Variants in PDZRN3 observed in about 807,000 individuals in gnomAD.
The protein encoded by PDZRN3 is PDZ domain containing ring finger 3, also known as E3 ubiquitin-protein ligase PDZRN3.
PDZRN3 carries 38 observed loss-of-function variants against 85.7 expected under a neutral mutation model. The ratio of observed to expected loss-of-function variants is 0.44; its 90% confidence interval spans 0.34 to 0.58. The LOEUF (loss-of-function observed/expected upper bound fraction) is 0.58, where lower values mean the gene tolerates loss of function less well. PDZRN3 is among the 20% of genes least tolerant of loss of function. PDZRN3 has a pLI of 0.01. For missense variants in PDZRN3, 1,629 were observed against 1,506.4 expected, an observed-to-expected ratio of 1.08 and a Z score of -1.35; for synonymous variants, 759 against 638.0, an observed-to-expected ratio of 1.19 and a Z score of -2.86.
At chr3:73,448,058 G>A (rs1702786047) in intron 3 of PDZRN3, among the ~76,000 whole-genome samples, 1 of 152,136 alleles carries the variant, frequency 6.6e-6, no homozygotes, top group Admixed American at 6.5e-5. Context: ...CTGCCAGTGG[G>A]AGTTCAACCT....
chr3:73,419,916 A>G (rs72884240), intron 3 of PDZRN3, among the ~76,000 whole-genome samples: 3,681 of 152,284 alleles, frequency 0.024, 135 homozygotes, highest in African/African-American at 0.084. Flanking sequence ...TGTGGTTAAC[A>G]TTTTTAATGA....
At chr3:73,399,510 A>G (rs1268810000) in intron 5 of PDZRN3, among the ~76,000 whole-genome samples, 2 of 152,196 alleles carry the variant, frequency 1.3e-5, no homozygotes, top group Non-Finnish European at 2.9e-5. Flanking sequence ...AATGTATTTC[A>G]TTATGAACCC....
intron 3 of PDZRN3, among the ~76,000 whole-genome samples, chr3:73,438,542 G>A (rs1435696511): frequency 6.6e-6 from 1 of 152,212 alleles, no homozygotes; most frequent in Admixed American, 6.5e-5. Flanking sequence ...CAGGACTGAG[G>A]AGGAAACAGG....
chr3:73,441,688 C>T (rs879671679), intron 3 of PDZRN3, among the ~76,000 whole-genome samples: 22 of 152,250 alleles, frequency 1.4e-4, no homozygotes, highest in Admixed American at 4.6e-4. Flanking sequence ...GAATTTGTAA[C>T]CCCAAAGCAA....
chr3:73,500,978 A>T (rs1703967026), intron 3 of PDZRN3, among the ~76,000 whole-genome samples: 2 of 151,656 alleles, frequency 1.3e-5, no homozygotes, highest in South Asian at 4.2e-4. Flanking sequence ...CCCATGACAG[A>T]CTCTAAAATT....
chr3:73,523,935 A>G (rs1429776495), intron 3 of PDZRN3, among the ~76,000 whole-genome samples: 1 of 152,248 alleles, frequency 6.6e-6, no homozygotes, highest in East Asian at 1.9e-4. Flanking sequence ...AAGGATCCAA[A>G]GCATTCTGTA....
intron 3 of PDZRN3, among the ~76,000 whole-genome samples, chr3:73,568,816 G>A (rs1701996146): frequency 6.6e-6 from 1 of 152,198 alleles, no homozygotes; most frequent in South Asian, 2.1e-4. Context: ...GTCAAATCCT[G>A]GGATTAAAAC....
At chr3:73,389,057 G>A (rs1207328273) in intron 7 of PDZRN3, among the ~76,000 whole-genome samples, 1 of 151,666 alleles carries the variant, frequency 6.6e-6, no homozygotes, top group African/African-American at 2.4e-5. Flanking sequence ...CTGAAGGCTA[G>A]AGAAACCCAG....
chr3:73,546,514 C>A (rs147668379), intron 3 of PDZRN3, among the ~76,000 whole-genome samples: 1 of 152,290 alleles, frequency 6.6e-6, no homozygotes, highest in African/African-American at 2.4e-5. Context: ...TTGTGCCATG[C>A]CCATTCATCA....
rs1553706426 is a variant in PDZRN3 at position 73,600,337 on chromosome 3, A to ACTCTCTCTCTCT, written c.918+2005_918+2016dup. Among the ~76,000 whole-genome samples the ACTCTCTCTCTCT allele has an allele frequency of 6.8e-3, 678 of 100,054 alleles. 8 individuals are homozygous for ACTCTCTCTCTCT. Among genetic ancestry groups the ACTCTCTCTCTCT allele is most frequent in the East Asian group, 0.033 (109 of 3,276 alleles). 65.6% of individuals were successfully genotyped at this position (100,054 alleles called of 152,430 possible). ...CACACACACACACACACACACACAC[A>ACTCTCTCTCTCT]CTCTCTCTCTCTCTCTCTCTCTCTC... is the stretch of plus-strand genomic sequence containing the variant. On this transcript the variant is annotated intron_variant, in intron 3 of 9. Transcript: ENST00000263666.
chr3:73,587,275 T>C (rs1702291721), intron 3 of PDZRN3, among the ~76,000 whole-genome samples: 1 of 152,212 alleles, frequency 6.6e-6, no homozygotes, highest in Non-Finnish European at 1.5e-5. Flanking sequence ...ATGAAACTTT[T>C]TTTCCATTTT....
chr3:73,609,867 G>T (rs187567824), intron 1 of PDZRN3, among the ~76,000 whole-genome samples: 28 of 152,298 alleles, frequency 1.8e-4, no homozygotes, highest in Admixed American at 1.0e-3. Context: ...TACCTGCAGT[G>T]CCCTGTGAGT....
intron 3 of PDZRN3, among the ~76,000 whole-genome samples, chr3:73,445,763 G>C (rs1259127657): frequency 6.6e-6 from 1 of 152,184 alleles, no homozygotes; most frequent in Non-Finnish European, 1.5e-5. Context: ...ATATATGTGT[G>C]TCCAAAAGCT....
At chr3:73,474,016 T>C (rs947699879) in intron 3 of PDZRN3, among the ~76,000 whole-genome samples, 1 of 152,230 alleles carries the variant, frequency 6.6e-6, no homozygotes, top group Admixed American at 6.5e-5. Flanking sequence ...ACACATCTAC[T>C]AAGCGGTAGA....
intron 3 of PDZRN3, among the ~76,000 whole-genome samples, chr3:73,447,935 C>T (rs2106835512): frequency 6.6e-6 from 1 of 152,346 alleles, no homozygotes; most frequent in East Asian, 1.9e-4. Flanking sequence ...TCCTTTTCCT[C>T]TTGCATTCTA....
At chr3:73,515,952 G>A (rs1397791766) in intron 3 of PDZRN3, among the ~76,000 whole-genome samples, 1 of 152,190 alleles carries the variant, frequency 6.6e-6, no homozygotes, top group Non-Finnish European at 1.5e-5. Flanking sequence ...TCAGATAAAA[G>A]CATATACCAG....
chr3:73,553,873 G>A (rs1559735377), intron 3 of PDZRN3, among the ~76,000 whole-genome samples: 2 of 152,192 alleles, frequency 1.3e-5, no homozygotes, highest in South Asian at 2.1e-4. Context: ...GCTGGAATAC[G>A]CATGGCACAC....
At chr3:73,390,117 T>C (rs1313774759) in intron 6 of PDZRN3, among the ~76,000 whole-genome samples, 1 of 152,200 alleles carries the variant, frequency 6.6e-6, no homozygotes, top group African/African-American at 2.4e-5. Context: ...CAGCAGTGTG[T>C]GCAGGCTCTG....
chr3:73,445,533 A>C (rs1195356983), intron 3 of PDZRN3, among the ~76,000 whole-genome samples: 3 of 152,266 alleles, frequency 2.0e-5, no homozygotes, highest in Admixed American at 1.3e-4. Context: ...ATCAAGTCTG[A>C]AATTACTTAC....
Sources: allele counts gnomAD v4.1 joint callset (sites outside exome capture counted in the v4.1 genomes callset), GRCh38; gene constraint gnomAD v4.1.1; transcripts MANE v1.5; gene names NCBI Gene and HGNC (gene_info 2026-07-23, HGNC 2026-07-21).